The following HEMK2 variants were observed in gnomAD, a reference collection of about 807,000 sequenced individuals.
HEMK2 encodes the protein methyltransferase HEMK2.
At chr21:28,592,642 C>A in the HEMK2 span, among the ~76,000 whole-genome samples, 1 of 152,204 alleles carries the variant, frequency 6.6e-6, no homozygotes, top group Non-Finnish European at 1.5e-5. Context: ...CCCTAGGGGA[C>A]TCATTTCCTG....
At chr21:28,653,528 C>CT in the HEMK2 span, among the ~76,000 whole-genome samples, 9 of 152,102 alleles carry the variant, frequency 5.9e-5, no homozygotes, top group Non-Finnish European at 1.3e-4. Flanking sequence ...TCATTCCGAT[C>CT]TTTTTTTAAA....
chr21:28,690,402 C>T, the HEMK2 span, among the ~76,000 whole-genome samples: 1 of 152,172 alleles, frequency 6.6e-6, no homozygotes, highest in African/African-American at 2.4e-5. Flanking sequence ...GATAAGAGCC[C>T]AGCTGACCAG....
chr21:28,669,132 G>T, the HEMK2 span, among the ~76,000 whole-genome samples: 1 of 152,128 alleles, frequency 6.6e-6, no homozygotes, highest in South Asian at 2.1e-4. Flanking sequence ...GCCAAGGTGG[G>T]CCAATCACTT....
At chr21:28,761,982 GT>G in the HEMK2 span, among the ~76,000 whole-genome samples, 1 of 152,084 alleles carries the variant, frequency 6.6e-6, no homozygotes, top group Non-Finnish European at 1.5e-5. Context: ...TTCCAAATGT[GT>G]TTCCAGTCTC....
the HEMK2 span, among the ~76,000 whole-genome samples, chr21:28,848,594 CTAATTT>C: frequency 5.1e-4 from 77 of 152,204 alleles, no homozygotes; most frequent in African/African-American, 1.8e-3. Context: ...TTTATGTTTT[CTAATTT>C]TAATACATTC....
chr21:28,861,833 G>T, the HEMK2 span, among the ~76,000 whole-genome samples: 1 of 152,304 alleles, frequency 6.6e-6, no homozygotes, highest in Admixed American at 6.5e-5. Flanking sequence ...AGGGGTGGAA[G>T]TGGAAGTGGC....
chr21:28,771,521 C>CCCCCCCAA, the HEMK2 span, among the ~76,000 whole-genome samples: 2 of 131,474 alleles, frequency 1.5e-5, no homozygotes, highest in Non-Finnish European at 3.3e-5. Context: ...ATGCACCACC[C>CCCCCCCAA]CCCCCCGCCA....
chr21:28,748,074 T>C, the HEMK2 span, among the ~76,000 whole-genome samples: 1 of 152,150 alleles, frequency 6.6e-6, no homozygotes, highest in Admixed American at 6.5e-5. Context: ...TGTGTATGCA[T>C]GAACATAAAG....
the HEMK2 span, among the ~76,000 whole-genome samples, chr21:28,788,452 C>T: frequency 1.3e-5 from 2 of 151,764 alleles, no homozygotes; most frequent in East Asian, 1.9e-4. Flanking sequence ...TATGTTTTCA[C>T]TGATAAGTGG....
At chr21:28,820,469 G>A in the HEMK2 span, among the ~76,000 whole-genome samples, 1 of 152,070 alleles carries the variant, frequency 6.6e-6, no homozygotes, top group Admixed American at 6.5e-5. Flanking sequence ...TGCTCTGTGG[G>A]CCCAAGAGAC....
chr21:28,647,832 A>G, the HEMK2 span, among the ~76,000 whole-genome samples: 4 of 152,230 alleles, frequency 2.6e-5, no homozygotes. Context: ...TGCACTGAGT[A>G]GTGCTCAGAG....
At chr21:28,806,567 T>C in the HEMK2 span, among the ~76,000 whole-genome samples, 1 of 152,152 alleles carries the variant, frequency 6.6e-6, no homozygotes, top group Non-Finnish European at 1.5e-5. Flanking sequence ...ACTGGTGGAC[T>C]TGTAAAAAGG....
the HEMK2 span, among the ~76,000 whole-genome samples, chr21:28,834,850 G>A: frequency 6.6e-6 from 1 of 152,060 alleles, no homozygotes; most frequent in Admixed American, 6.6e-5. Context: ...ACGGGAGCTG[G>A]GTGAGGCCTG....
chr21:28,879,072 G>T, the HEMK2 span, among the ~76,000 whole-genome samples: 140,906 of 140,908 alleles, frequency 1, 70,452 homozygotes, highest in Non-Finnish European at 1. Context: ...TATCATTGTA[G>T]ATTGTTTCTT....
chr21:28,719,579 C>G, the HEMK2 span, among the ~76,000 whole-genome samples: 1 of 152,174 alleles, frequency 6.6e-6, no homozygotes, highest in Non-Finnish European at 1.5e-5. Context: ...ATTACCCAGT[C>G]TCAGGTATAT....
chr21:28,807,164 T>G, the HEMK2 span, among the ~76,000 whole-genome samples: 3 of 152,178 alleles, frequency 2.0e-5, no homozygotes, highest in African/African-American at 7.2e-5. Context: ...ACCCGATGGG[T>G]AGCTTCTCTT....
At chr21:28,587,997 C>A in the HEMK2 span, among the ~76,000 whole-genome samples, 1 of 152,192 alleles carries the variant, frequency 6.6e-6, no homozygotes, top group Non-Finnish European at 1.5e-5. Context: ...CTGCAGTTGG[C>A]AGAAAGATCA....
the HEMK2 span, among the ~76,000 whole-genome samples, chr21:28,668,872 G>A: frequency 2.0e-5 from 3 of 152,174 alleles, no homozygotes; most frequent in Non-Finnish European, 4.4e-5. Context: ...TTGAGGATGG[G>A]ACCTAGGATC....
At chr21:28,716,979 T>C in the HEMK2 span, among the ~76,000 whole-genome samples, 2 of 152,228 alleles carry the variant, frequency 1.3e-5, no homozygotes, top group East Asian at 1.9e-4. Context: ...TACTTGATCA[T>C]AGTGAATTAA....
Sources: allele counts gnomAD v4.1 joint callset (sites outside exome capture counted in the v4.1 genomes callset), GRCh38; gene constraint gnomAD v4.1.1; transcripts MANE v1.5; gene names NCBI Gene and HGNC (gene_info 2026-07-23, HGNC 2026-07-21).